Variants in ETV1 observed in about 807,000 individuals in gnomAD.
ETV1 encodes the protein ETS translocation variant 1.
ETV1 carries 27 observed loss-of-function variants against 62.3 expected under a neutral mutation model. The ratio of observed to expected loss-of-function variants is 0.43; its 90% CI spans 0.32 to 0.60. ETV1 has a LOEUF of 0.60. Ranked by LOEUF, ETV1 falls within the 20% of genes least tolerant of loss-of-function variation. ETV1 has a pLI of 0.06. For missense variants in ETV1, 605 were observed against 605.8 expected, an observed-to-expected ratio of 1.00 and a Z score of 0.01; for synonymous variants, 222 against 199.6, an observed-to-expected ratio of 1.11 and a Z score of -0.94.
At chr7:13,938,147 G>C (rs556956707) in intron 7 of ETV1, among the ~76,000 whole-genome samples, 1 of 152,252 alleles carries the variant, frequency 6.6e-6, no homozygotes, top group African/African-American at 2.4e-5. Context: ...GTTTCTCCGT[G>C]TTGGTCAGGC....
Position 13,977,407 on chromosome 7 carries a change from A to G in ETV1, c.235+20T>C, listed in dbSNP as rs1488024108. ...CCAGAAAGACAGAAAAATACAAGAG[A>G]TGAGTCATACTATACTTACAACTTT... is the stretch of plus-strand genomic sequence containing the variant. On this transcript the variant is annotated intron_variant, in intron 6 of 13. Transcript: ENST00000430479. The G allele has an allele frequency of 2.0e-6, 3 of 1,474,424 alleles. No individual in the cohort carries two copies. Among genetic ancestry groups the G allele is most frequent in the Admixed American group, 2.0e-5 (1 of 48,902 alleles). 91.3% of individuals were successfully genotyped at this position (1,474,424 alleles called of 1,614,324 possible). A position where few individuals can be genotyped will look rare whatever the true frequency, so the allele number is the denominator to read the frequency against.
At chr7:13,915,224 T>C (rs190441798) in intron 9 of ETV1, among the ~76,000 whole-genome samples, 94 of 152,322 alleles carry the variant, frequency 6.2e-4, no homozygotes, top group Admixed American at 1.0e-3. Context: ...CAAAATCAAG[T>C]GCACATAAAC....
At chr7:13,983,740 G>T (rs1050182072) in intron 5 of ETV1, among the ~76,000 whole-genome samples, 1 of 150,116 alleles carries the variant, frequency 6.7e-6, no homozygotes, top group Non-Finnish European at 1.5e-5. Context: ...AAATTGCAGT[G>T]TTATTTCTTG....
chr7:13,911,329 G>C, intron 9 of ETV1, 22 bp from the exon 10 acceptor site: 1 of 1,567,730 alleles, frequency 6.4e-7, no homozygotes, highest in Non-Finnish European at 8.8e-7. Context: ...AACAATATTG[G>C]TCAAAAAGAG....
chr7:13,929,623 C>T lies in ETV1; in HGVS notation c.802+1879G>A, dbSNP rs1010645130. On this transcript the variant is annotated intron_variant, in intron 9 of 13. Coordinates refer to ENST00000430479, the MANE Select transcript of ETV1 (RefSeq NM_004956.5). ...ATCCTCATGCCTTCACGAACAACTGCCCTTTAGCCACCCTTGAACCTAGCA... is the reference window on the plus strand; with the variant it reads ...ATCCTCATGCCTTCACGAACAACTGTCCTTTAGCCACCCTTGAACCTAGCA... Among the ~76,000 whole-genome samples, 49 of 152,274 alleles carry T rather than the reference C, an allele frequency of 3.2e-4. 2 individuals are homozygous for T. In the South Asian group the frequency reaches 9.5e-3, roughly 30 times the overall value.
At chr7:13,988,621 A>AG in intron 3 of ETV1, 2 of 1,282,808 alleles carry the variant, frequency 1.6e-6, no homozygotes, top group Non-Finnish European at 2.0e-6. Context: ...AGAAAATGAG[A>AG]AAAAAAAAAG....
intron 10 of ETV1, among the ~76,000 whole-genome samples, chr7:13,910,228 C>CT (rs58867942): frequency 0.38 from 45,193 of 119,848 alleles, 8,801 homozygotes; most frequent in East Asian, 0.41. Context: ...AAAAGTTTCC[C>CT]TTTTTTTTTT....
chr7:13,983,221 C>T (rs1404262544), intron 5 of ETV1, among the ~76,000 whole-genome samples: 1 of 151,818 alleles, frequency 6.6e-6, no homozygotes, highest in Non-Finnish European at 1.5e-5. Context: ...ACATCTAGAC[C>T]GGAAACAAAA....
intron 6 of ETV1, among the ~76,000 whole-genome samples, chr7:13,962,202 CGTGTGTGTGTGTATATATAT>C (rs1015486747): frequency 6.7e-6 from 1 of 148,876 alleles, no homozygotes; most frequent in Non-Finnish European, 1.5e-5. Flanking sequence ...CACACACACA[CGTGTGTGTGTGTATATATAT>C]AAATACTCAT....
At chr7:13,961,893 G>A (rs558542680) in intron 6 of ETV1, among the ~76,000 whole-genome samples, 1 of 152,178 alleles carries the variant, frequency 6.6e-6, no homozygotes, top group Non-Finnish European at 1.5e-5. Context: ...TACTTAGTGT[G>A]ATCAACAGCA....
chr7:13,910,106 A>G (rs973031886), intron 10 of ETV1, among the ~76,000 whole-genome samples: 2 of 152,004 alleles, frequency 1.3e-5, no homozygotes, highest in African/African-American at 4.8e-5. Context: ...TATTCACATT[A>G]TATTATTAGT....
intron 12 of ETV1, among the ~76,000 whole-genome samples, chr7:13,901,746 G>A (rs975407913): frequency 1.3e-5 from 2 of 152,156 alleles, no homozygotes; most frequent in Admixed American, 1.3e-4. Context: ...GAAGAATTAA[G>A]CATTCATTTA....
Position 13,896,135 on chromosome 7 carries a change from G to T in ETV1, c.1213-48C>A, listed in dbSNP as rs563924485. 4.8e-4 allele frequency: 733 copies of T among 1,512,862 alleles called. 2 individuals carry two copies. Among genetic ancestry groups the T allele is most frequent in the Admixed American group, 1.0e-3 (57 of 54,506 alleles). 93.7% of individuals were successfully genotyped at this position (1,512,862 alleles called of 1,614,324 possible). On this transcript the variant is annotated intron_variant, in intron 13 of 13. Coordinates refer to ENST00000430479, the MANE Select transcript of ETV1 (RefSeq NM_004956.5). ...AAACCCATCCTCACCATCGCCAGAT[G>T]GGGAAGGACAGGAAGGAAAAAGCCA...
At chr7:13,987,924 A>C (rs1176427987) in intron 4 of ETV1, among the ~76,000 whole-genome samples, 162 bp downstream of exon 4, 1 of 152,206 alleles carries the variant, frequency 6.6e-6, no homozygotes, top group African/African-American at 2.4e-5. Flanking sequence ...TCTCCCATGC[A>C]AACTGCCGCA....
At chr7:13,931,378 CA>C (rs2128450044) in intron 9 of ETV1, 123 bp downstream of exon 9, 5 of 1,057,228 alleles carry the variant, frequency 4.7e-6, no homozygotes, top group South Asian at 3.2e-5. Context: ...AATGAACGGA[CA>C]AAATCTGAAA....
chr7:13,918,522 C>T (rs1259964939), intron 9 of ETV1, among the ~76,000 whole-genome samples: 2 of 151,930 alleles, frequency 1.3e-5, no homozygotes, highest in Admixed American at 6.6e-5. Flanking sequence ...AAATGTGGCA[C>T]ATATACATCA....
chr7:13,898,456 A>G (rs1163559733), intron 13 of ETV1, among the ~76,000 whole-genome samples: 1 of 152,224 alleles, frequency 6.6e-6, no homozygotes, highest in Non-Finnish European at 1.5e-5. Context: ...CCATTAACAT[A>G]TTGGTATATA....
intron 9 of ETV1, among the ~76,000 whole-genome samples, chr7:13,915,919 T>C (rs1198022233): frequency 6.6e-6 from 1 of 152,190 alleles, no homozygotes. Context: ...GGAAGCTCAA[T>C]GTGAATATAA....
chr7:13,894,837 G>C lies in ETV1; in HGVS notation c.*1029C>G, dbSNP rs911127451. 3 of 232,554 alleles carry C rather than the reference G, an allele frequency of 1.3e-5. No individual in the cohort carries two copies. Among genetic ancestry groups the C allele is most frequent in the Non-Finnish European group, 2.6e-5 (3 of 117,518 alleles). 14.4% of individuals were successfully genotyped at this position (232,554 alleles called of 1,614,324 possible). A position where few individuals can be genotyped will look rare whatever the true frequency, so the allele number is the denominator to read the frequency against. ...AAAAGGTTTAAATGCATATCAATGG[G>C]TACCATGTCTAAAAATTACTATAGT... On this transcript the variant is annotated 3_prime_UTR_variant, in exon 14 of 14. Transcript: ENST00000430479.
Sources: gnomAD v4.1 joint callset for allele counts (sites outside exome capture counted in the v4.1 genomes callset) on GRCh38, gnomAD v4.1.1 for gene constraint, MANE v1.5 for transcripts, NCBI Gene and HGNC (gene_info 2026-07-23, HGNC 2026-07-21) for gene names.